The following SLC24A3 variants were observed in gnomAD, a reference collection of about 807,000 sequenced individuals.
The protein encoded by SLC24A3 is solute carrier family 24 member 3.
In SLC24A3, 28 loss-of-function variants were observed where a neutral mutation model predicts 75.8. The observed-to-expected ratio is 0.37, with a 90% CI of 0.27 to 0.51. The LOEUF (loss-of-function observed/expected upper bound fraction) is 0.51, where lower values mean the gene tolerates loss of function less well. SLC24A3 is among the 20% of genes least tolerant of loss of function. The pLI, the probability that SLC24A3 is intolerant of heterozygous loss-of-function variation, is 0.94. For synonymous variants in SLC24A3, 372 were observed against 334.1 expected, an observed-to-expected ratio of 1.11 and a Z score of -1.24; for missense variants, 663 against 847.8, an observed-to-expected ratio of 0.78 and a Z score of 2.71.
intron 1 of SLC24A3, among the ~76,000 whole-genome samples, chr20:19,231,502 A>G (rs764327061): frequency 2.6e-5 from 4 of 152,220 alleles, no homozygotes; most frequent in Admixed American, 6.5e-5. Flanking sequence ...ACAGAAGCCG[A>G]GGTCAGAATG....
chr20:19,649,734 T>G (rs1213250367), intron 6 of SLC24A3, among the ~76,000 whole-genome samples: 4 of 152,146 alleles, frequency 2.6e-5, no homozygotes, highest in South Asian at 4.2e-4. Context: ...TGGGTGCCTG[T>G]TTTTCACCTT....
intron 9 of SLC24A3, among the ~76,000 whole-genome samples, chr20:19,678,544 G>A (rs1167782382): frequency 1.4e-5 from 2 of 141,274 alleles, no homozygotes; most frequent in African/African-American, 2.7e-5. Context: ...CGGACGGGGC[G>A]GCTGGCCGGG....
At chr20:19,389,472 C>G (rs1213954259) in intron 2 of SLC24A3, among the ~76,000 whole-genome samples, 1 of 151,958 alleles carries the variant, frequency 6.6e-6, no homozygotes, top group East Asian at 1.9e-4. Flanking sequence ...TTCTGAAGGA[C>G]AGTCTTGCAG....
intron 12 of SLC24A3, among the ~76,000 whole-genome samples, chr20:19,686,923 T>A (rs1456817887): frequency 6.6e-6 from 1 of 152,236 alleles, no homozygotes; most frequent in East Asian, 1.9e-4. Flanking sequence ...TCAGATATAT[T>A]TCTTGGCAAC....
At chr20:19,701,957 G>C (rs2032879467) in intron 15 of SLC24A3, among the ~76,000 whole-genome samples, 1 of 152,188 alleles carries the variant, frequency 6.6e-6, no homozygotes, top group South Asian at 2.1e-4. Flanking sequence ...ATGTCCTTCA[G>C]ATCCATGATG....
chr20:19,565,585 C>T (rs1276942370), intron 3 of SLC24A3, among the ~76,000 whole-genome samples: 1 of 152,122 alleles, frequency 6.6e-6, no homozygotes, highest in Non-Finnish European at 1.5e-5. Flanking sequence ...TTTGCCACTA[C>T]CTTATTGGTC....
At chr20:19,234,153 G>A (rs76707181) in intron 1 of SLC24A3, among the ~76,000 whole-genome samples, 3,130 of 152,266 alleles carry the variant, frequency 0.021, 51 homozygotes, top group Admixed American at 0.03. Context: ...CATAAATTTT[G>A]CTAATAGTAT....
At chr20:19,514,913 A>G (rs2029954036) in intron 2 of SLC24A3, among the ~76,000 whole-genome samples, 2 of 152,196 alleles carry the variant, frequency 1.3e-5, no homozygotes, top group Admixed American at 6.5e-5. Flanking sequence ...CCCACACCCT[A>G]AGCCAGGTCA....
intron 2 of SLC24A3, among the ~76,000 whole-genome samples, chr20:19,442,189 A>G (rs1359112215): frequency 6.6e-6 from 1 of 152,146 alleles, no homozygotes; most frequent in African/African-American, 2.4e-5. Context: ...TGTTGTGTGG[A>G]TATAAGTTTT....
At chr20:19,422,348 T>A (rs1030073213) in intron 2 of SLC24A3, among the ~76,000 whole-genome samples, 1 of 152,038 alleles carries the variant, frequency 6.6e-6, no homozygotes. Context: ...TGGCTAGACG[T>A]GCCTTTGTCA....
At chr20:19,644,074 C>G (rs2032106074) in intron 6 of SLC24A3, among the ~76,000 whole-genome samples, 2 of 152,146 alleles carry the variant, frequency 1.3e-5, no homozygotes, top group Non-Finnish European at 2.9e-5. Flanking sequence ...GCATCTTAAA[C>G]AGGGTTGCTG....
intron 1 of SLC24A3, among the ~76,000 whole-genome samples, chr20:19,259,915 T>C (rs1982930935): frequency 6.6e-6 from 1 of 152,152 alleles, no homozygotes; most frequent in Non-Finnish European, 1.5e-5. Flanking sequence ...CTCCCTCCCA[T>C]GTCTCAGATG....
intron 3 of SLC24A3, among the ~76,000 whole-genome samples, chr20:19,518,866 C>T (rs1467148293): frequency 1.3e-5 from 2 of 152,192 alleles, no homozygotes; most frequent in Non-Finnish European, 2.9e-5. Context: ...GGCAGGTGAT[C>T]CCAGAGTCCC....
chr20:19,577,747 A>G (rs2031161276), intron 3 of SLC24A3, among the ~76,000 whole-genome samples: 1 of 152,222 alleles, frequency 6.6e-6, no homozygotes. Context: ...TTCATTTAGC[A>G]ATGTATTATG....
intron 6 of SLC24A3, among the ~76,000 whole-genome samples, chr20:19,632,605 T>C (rs2031947962): frequency 6.6e-6 from 1 of 152,256 alleles, no homozygotes; most frequent in Admixed American, 6.5e-5. Flanking sequence ...AAGTCTCACT[T>C]ACAATGTAAG....
chr20:19,419,363 G>A (rs1986877369), intron 2 of SLC24A3, among the ~76,000 whole-genome samples: 1 of 149,610 alleles, frequency 6.7e-6, no homozygotes, highest in South Asian at 2.1e-4. Context: ...TAAAAAGCTA[G>A]CTTCTTTTTT....
At chr20:19,678,652 AC>A (rs2032564276) in intron 9 of SLC24A3, among the ~76,000 whole-genome samples, 1 of 135,144 alleles carries the variant, frequency 7.4e-6, no homozygotes, top group South Asian at 2.3e-4. Flanking sequence ...CTGACCCTCC[AC>A]CTCCCTCCCG....
chr20:19,270,146 C>T (rs1983283165), intron 1 of SLC24A3, among the ~76,000 whole-genome samples: 1 of 152,162 alleles, frequency 6.6e-6, no homozygotes, highest in Non-Finnish European at 1.5e-5. Flanking sequence ...AGTTGGGGTG[C>T]ACATTTGCAT....
chr20:19,478,010 C>T (rs2122515215), intron 2 of SLC24A3, among the ~76,000 whole-genome samples: 1 of 152,328 alleles, frequency 6.6e-6, no homozygotes, highest in South Asian at 2.1e-4. Context: ...CTTTCGAAAG[C>T]CATCAGGAAT....
Sources: gnomAD v4.1 joint callset for allele counts (sites outside exome capture counted in the v4.1 genomes callset) on GRCh38, gnomAD v4.1.1 for gene constraint, MANE v1.5 for transcripts, NCBI Gene and HGNC (gene_info 2026-07-23, HGNC 2026-07-21) for gene names.